RBKS: variants seen among roughly 807,000 people sequenced by gnomAD.
RBKS encodes ribokinase.
In RBKS, 33 loss-of-function variants were observed where a neutral mutation model predicts 33.9. The ratio of observed to expected loss-of-function variants is 0.97; its 90% CI spans 0.74 to 1.30. The LOEUF (loss-of-function observed/expected upper bound fraction) is 1.30. Among genes scored for constraint, RBKS ranks in the 50% most tolerant of loss-of-function variants. RBKS has a pLI of 0.00. For synonymous variants in RBKS, 125 were observed against 143.0 expected, an observed-to-expected ratio of 0.87 and a Z score of 0.90; for missense variants, 361 against 392.6, an observed-to-expected ratio of 0.92 and a Z score of 0.68.
At chr2:27,783,542 C>G (rs1440656484) in intron 7 of RBKS, among the ~76,000 whole-genome samples, 2 of 152,260 alleles carry the variant, frequency 1.3e-5, no homozygotes, top group East Asian at 3.9e-4. Context: ...TTGGACAGAG[C>G]AATACCTGCT....
intron 7 of RBKS, among the ~76,000 whole-genome samples, chr2:27,782,094 C>T (rs943490677): frequency 2.6e-5 from 4 of 152,242 alleles, no homozygotes; most frequent in Admixed American, 6.5e-5. Context: ...TACATTTAAT[C>T]GTCATATTTC....
intron 7 of RBKS, among the ~76,000 whole-genome samples, chr2:27,801,750 G>A (rs1677789935): frequency 6.6e-6 from 1 of 151,574 alleles, no homozygotes; most frequent in Admixed American, 6.6e-5. Context: ...GGAGGCCTCA[G>A]GGAGCTTTCA....
chr2:27,889,968 T>C (rs1573089566), intron 1 of RBKS: 1 of 330,998 alleles, frequency 3.0e-6, no homozygotes, highest in Non-Finnish European at 5.5e-6. Flanking sequence ...GAAAGGTCTT[T>C]GGGGGCGCAA....
chr2:27,861,474 A>G, intron 1 of RBKS: 1 of 471,084 alleles, frequency 2.1e-6, no homozygotes, highest in Non-Finnish European at 4.4e-6. Context: ...CAAGAACTGT[A>G]ACTAGAAGTC....
At chr2:27,807,036 T>C (rs753745330) in intron 7 of RBKS, among the ~76,000 whole-genome samples, 11 of 152,224 alleles carry the variant, frequency 7.2e-5, no homozygotes, top group Non-Finnish European at 1.5e-4. Flanking sequence ...AACTCCACCA[T>C]TGGCCAAAAC....
At chr2:27,815,658 G>A (rs1678077163) in intron 7 of RBKS, among the ~76,000 whole-genome samples, 1 of 152,154 alleles carries the variant, frequency 6.6e-6, no homozygotes, top group African/African-American at 2.4e-5. Flanking sequence ...TAGACCACAG[G>A]CTCACTGCCA....
At chr2:27,782,075 A>G (rs1401008940) in intron 7 of RBKS, among the ~76,000 whole-genome samples, 7 of 152,154 alleles carry the variant, frequency 4.6e-5, no homozygotes, top group African/African-American at 1.7e-4. Flanking sequence ...CCCATCCATC[A>G]TACCATATTA....
rs968189040 is a variant in RBKS, at chr2:27,781,781, C to A, written c.803G>T (p.Gly268Val). Residue 268 changes from glycine to valine, a missense_variant, in exon 8 of 8, where the codon GGT becomes GTT. Gly to Val is a moderately radical substitution (Grantham distance 109). Coordinates refer to ENST00000302188, the MANE Select transcript of RBKS (RefSeq NM_022128.3). ...KVKAVDTTGA[G>V]DSFVGALAFY... ...GGCCAGAGCTCCCACAAAGCTGTCACCAGCACCCTGTAATTGAAAGCACAG... is the reference window on the plus strand; with the variant it reads ...GGCCAGAGCTCCCACAAAGCTGTCAACAGCACCCTGTAATTGAAAGCACAG... 3 of 1,610,426 alleles carry A rather than the reference C, an allele frequency of 1.9e-6. No homozygotes were observed. The highest frequency in any genetic ancestry group is 2.5e-6 in the Non-Finnish European group (3 of 1,178,494).
chr2:27,792,538 C>G (rs1186531589), intron 7 of RBKS, among the ~76,000 whole-genome samples: 2 of 152,248 alleles, frequency 1.3e-5, no homozygotes, highest in Non-Finnish European at 2.9e-5. Flanking sequence ...TCCACTGAAT[C>G]TATCATCCCT....
At chr2:27,807,240 G>A (rs921359776) in intron 7 of RBKS, among the ~76,000 whole-genome samples, 9 of 152,202 alleles carry the variant, frequency 5.9e-5, no homozygotes, top group African/African-American at 2.2e-4. Flanking sequence ...AATTTACATT[G>A]TGAGATGTTC....
intron 2 of RBKS, among the ~76,000 whole-genome samples, chr2:27,848,512 G>A (rs1327876987): frequency 2.0e-5 from 3 of 151,938 alleles, no homozygotes; most frequent in Admixed American, 2.0e-4. Flanking sequence ...CCTTGACACT[G>A]ACACATAGAG....
intron 1 of RBKS, among the ~76,000 whole-genome samples, chr2:27,875,925 G>T (rs1289794022): frequency 6.6e-6 from 1 of 151,964 alleles, no homozygotes; most frequent in Non-Finnish European, 1.5e-5. Context: ...CATAAAAGAG[G>T]GATTACAAAT....
rs776362359 is a variant in RBKS at position 27,847,091 on chromosome 2, C to G, written c.300G>C (p.Gln100His). ...CAGTTCCTGTAGCAGCATCTTTAGTCTGATATGTAAATTCTGAAAGAAAAA... is the reference window on the plus strand; with the variant it reads ...CAGTTCCTGTAGCAGCATCTTTAGTGTGATATGTAAATTCTGAAAGAAAAA... ...QNDISTEFTYQTKDAATGTAS... is the reference protein window; with the variant it reads ...QNDISTEFTYHTKDAATGTAS... The change falls in exon 4 of 8, where the codon CAG becomes CAC. Residue 100 changes from glutamine (Q) to histidine (H), a missense_variant. Transcript: ENST00000302188. 1 of 1,600,506 alleles carries G rather than the reference C, an allele frequency of 6.2e-7. No homozygotes were observed. Among genetic ancestry groups the G allele is most frequent in the African/African-American group, 1.3e-5 (1 of 74,612 alleles).
intron 5 of RBKS, among the ~76,000 whole-genome samples, chr2:27,841,063 C>A (rs1034501263): frequency 6.6e-6 from 1 of 152,042 alleles, no homozygotes; most frequent in African/African-American, 2.4e-5. Context: ...GGTCTGTGGC[C>A]CACTGTCACC....
At chr2:27,786,456 A>AT (rs1361264471) in intron 7 of RBKS, among the ~76,000 whole-genome samples, 1 of 152,168 alleles carries the variant, frequency 6.6e-6, no homozygotes, top group Non-Finnish European at 1.5e-5. Flanking sequence ...CTAGCAGGGT[A>AT]TTTTTTGGCT....
chr2:27,786,048 T>C (rs945182208), intron 7 of RBKS, among the ~76,000 whole-genome samples: 2 of 152,090 alleles, frequency 1.3e-5, no homozygotes, highest in Non-Finnish European at 2.9e-5. Flanking sequence ...GTCCATTAGT[T>C]AAGTGAAAAA....
At chr2:27,874,497 C>A (rs1664275413) in intron 1 of RBKS, among the ~76,000 whole-genome samples, 1 of 152,192 alleles carries the variant, frequency 6.6e-6, no homozygotes, top group Non-Finnish European at 1.5e-5. Context: ...CATCATGTGA[C>A]ACAACACGTC....
At chr2:27,885,216 G>A (rs1408699738) in intron 1 of RBKS, among the ~76,000 whole-genome samples, 1 of 152,022 alleles carries the variant, frequency 6.6e-6, no homozygotes, top group Non-Finnish European at 1.5e-5. Flanking sequence ...AAATATAATA[G>A]AAAGATGCTT....
At chr2:27,870,876 C>A in intron 1 of RBKS, 1 of 459,368 alleles carries the variant, frequency 2.2e-6, no homozygotes. Context: ...ATAACATATC[C>A]TCATGCACAT....
Sources: allele counts gnomAD v4.1 joint callset (sites outside exome capture counted in the v4.1 genomes callset), GRCh38; gene constraint gnomAD v4.1.1; transcripts MANE v1.5; gene names NCBI Gene and HGNC (gene_info 2026-07-23, HGNC 2026-07-21).